CEP104: variants seen among roughly 807,000 people sequenced by gnomAD.
CEP104 encodes the protein centrosomal protein of 104 kDa.
A neutral mutation model predicts 113.3 loss-of-function variants in CEP104; 84 were observed. The observed-to-expected ratio is 0.74, with a 90% CI of 0.62 to 0.89. The LOEUF is 0.89. Ranked by LOEUF, CEP104 falls within the 40% of genes least tolerant of loss-of-function variation. CEP104 has a pLI of 0.00. For missense variants in CEP104, 1,053 were observed against 1,156.6 expected, an observed-to-expected ratio of 0.91 and a Z score of 1.30; for synonymous variants, 378 against 421.7, an observed-to-expected ratio of 0.90 and a Z score of 1.27.
At chr1:3,834,141 G>A in intron 11 of CEP104, 106 bp from the exon 12 acceptor site, 1 of 952,148 alleles carries the variant, frequency 1.1e-6, no homozygotes, top group Non-Finnish European at 1.6e-6. Context: ...TATCGAAAAT[G>A]ACATCTCGTC....
At chr1:3,839,955 T>G (rs972543742) in intron 6 of CEP104, among the ~76,000 whole-genome samples, 179 bp from the exon 7 acceptor site, 2 of 152,126 alleles carry the variant, frequency 1.3e-5, no homozygotes, top group African/African-American at 4.8e-5. Context: ...AAGCTCTTAA[T>G]TGCAAGCAGG....
intron 12 of CEP104, among the ~76,000 whole-genome samples, chr1:3,832,169 G>A (rs1046112275): frequency 5.3e-5 from 8 of 152,340 alleles, no homozygotes; most frequent in African/African-American, 1.9e-4. Flanking sequence ...CATATCTTTT[G>A]AAAGATGAAC....
intron 10 of CEP104, 116 bp from the exon 11 acceptor site, chr1:3,835,208 T>C: frequency 1.5e-6 from 1 of 685,366 alleles, no homozygotes; most frequent in South Asian, 4.3e-5. Flanking sequence ...AACAGAACTT[T>C]TATAAATGAA....
At position 3,847,472 on chromosome 1, in the gene CEP104, T is replaced by G; in HGVS notation, c.426+3A>C. The G allele has an allele frequency of 6.9e-6, 11 of 1,592,706 alleles. No individual in the cohort carries two copies. The highest frequency in any genetic ancestry group is 9.4e-6 in the Non-Finnish European group (11 of 1,170,398). On this transcript the variant is annotated splice_donor_region_variant and intron_variant, in intron 4 of 21. Transcript: ENST00000378230. ...ATCAAAGGCGAAGCTGCATGCATCT[T>G]ACCTGATTATATATGTTGTATTTGT...
intron 10 of CEP104, 48 bp downstream of exon 10, chr1:3,836,447 T>C: frequency 6.4e-7 from 1 of 1,566,880 alleles, no homozygotes; most frequent in Non-Finnish European, 8.6e-7. Flanking sequence ...CCATATAGAC[T>C]AGCCTCCCCT....
intron 12 of CEP104, among the ~76,000 whole-genome samples, chr1:3,833,056 C>G (rs955746585): frequency 3.3e-5 from 5 of 150,176 alleles, no homozygotes; most frequent in Non-Finnish European, 7.4e-5. Context: ...GTGATCTCGG[C>G]TCACTGAAAA....
At chr1:3,844,175 T>C in intron 6 of CEP104, among the ~76,000 whole-genome samples, 1 of 152,358 alleles carries the variant, frequency 6.6e-6, no homozygotes, top group East Asian at 1.9e-4. Flanking sequence ...TCCATTAATA[T>C]CTTTGATTTT....
chr1:3,856,360 C>A (rs1044324255), intron 1 of CEP104, among the ~76,000 whole-genome samples: 1 of 152,166 alleles, frequency 6.6e-6, no homozygotes, highest in Admixed American at 6.5e-5. Context: ...CCAGCCTGGG[C>A]GACAGAGCGA....
At position 3,836,684 on chromosome 1, in the gene CEP104, G is replaced by A. The variant is rs770433829; in HGVS notation, c.1128C>T (p.Ser376=). ...GAAGAGGCCGCTCATCGTAGGGCAG[G>A]GACTCTGCCTGCAGTGAGTGAAGGA... is the stretch of plus-strand genomic sequence containing the variant. ...TDPHPKINAE[S]LPYDERPLPA... Residue 376 remains serine (S), a synonymous_variant, in exon 10 of 22, where the codon TCC becomes TCT. Transcript: ENST00000378230. The A allele has an allele frequency of 1.9e-6, 3 of 1,613,234 alleles. No homozygotes were observed. The African/African-American group carries it at 4.0e-5, about 22-fold the overall frequency.
chr1:3,847,829 T>C (rs1255992338), intron 3 of CEP104: 3 of 541,322 alleles, frequency 5.5e-6, no homozygotes, highest in African/African-American at 3.9e-5. Context: ...TTAGTATTCT[T>C]CTTTTGTTGT....
chr1:3,826,565 A>G, intron 16 of CEP104, 129 bp from the exon 17 acceptor site: 1 of 1,295,066 alleles, frequency 7.7e-7, no homozygotes, highest in Non-Finnish European at 1.1e-6. Flanking sequence ...TTCAGCTGGG[A>G]GATGGCTGAG....
intron 6 of CEP104, 135 bp downstream of exon 6, chr1:3,844,772 C>A (rs1644476754): frequency 1.2e-5 from 6 of 520,400 alleles, no homozygotes; most frequent in South Asian, 2.5e-5. Flanking sequence ...AAATTTCAGA[C>A]AATCCAATCA....
intron 18 of CEP104, among the ~76,000 whole-genome samples, chr1:3,824,288 G>A (rs1315724495): frequency 6.6e-6 from 1 of 152,150 alleles, no homozygotes; most frequent in East Asian, 1.9e-4. Flanking sequence ...GTTTCTCCGT[G>A]TTGGTCAGGC....
chr1:3,812,917 A>G lies in CEP104; in HGVS notation c.*2485T>C, dbSNP rs1643819334. The G allele has an allele frequency of 6.6e-6, 1 of 152,116 alleles. No homozygotes were observed. Among genetic ancestry groups the G allele is most frequent in the African/African-American group, 2.4e-5 (1 of 41,420 alleles). 9.4% of individuals were successfully genotyped at this position (152,116 alleles called of 1,614,324 possible). A position where few individuals can be genotyped will look rare whatever the true frequency, so the allele number is the denominator to read the frequency against. On this transcript the variant is annotated 3_prime_UTR_variant, in exon 22 of 22. Coordinates refer to ENST00000378230, the MANE Select transcript of CEP104 (RefSeq NM_014704.4). ...ACCCCCTGTAACTAACAAAAGAGGA[A>G]CCTGTTTTAAATGAACCCGTTTGCT... is the stretch of plus-strand genomic sequence containing the variant.
At chr1:3,825,144 G>C (rs552426340) in intron 18 of CEP104, among the ~76,000 whole-genome samples, 2 of 105,170 alleles carry the variant, frequency 1.9e-5, no homozygotes, top group Admixed American at 8.9e-5. Context: ...CTGTGGGAAG[G>C]GGGCAGTGGC....
intron 1 of CEP104, among the ~76,000 whole-genome samples, chr1:3,856,663 C>A (rs1017863023): frequency 6.6e-6 from 1 of 152,214 alleles, no homozygotes; most frequent in Admixed American, 6.5e-5. Flanking sequence ...GCGGTCCCAG[C>A]ACCCGTGCTG....
At chr1:3,841,884 A>C (rs898535160) in intron 6 of CEP104, among the ~76,000 whole-genome samples, 4 of 152,236 alleles carry the variant, frequency 2.6e-5, no homozygotes, top group South Asian at 2.1e-4. Flanking sequence ...TTCCTGCCCT[A>C]CTGCACTTGC....
At chr1:3,829,634 T>A in intron 14 of CEP104, 157 bp downstream of exon 14, 1 of 796,240 alleles carries the variant, frequency 1.3e-6, no homozygotes, top group Non-Finnish European at 2.0e-6. Context: ...GCAGCCGGGA[T>A]CTGAATGCGG....
At position 3,856,906 on chromosome 1, in the gene CEP104, C is replaced by A. The variant is rs1473376214; in HGVS notation, c.-32G>T. ...GAAGGTACCTGCTTAGAGGGAAGGG[C>A]CCCGACTGGCGCTGCCGCGGCCCCG... On this transcript the variant is annotated 5_prime_UTR_variant, in exon 1 of 22. Transcript: ENST00000378230. 1 of 151,732 alleles carries A rather than the reference C, an allele frequency of 6.6e-6. No homozygotes were observed. Among genetic ancestry groups the A allele is most frequent in the Non-Finnish European group, 1.5e-5 (1 of 67,926 alleles). 9.4% of individuals were successfully genotyped at this position (151,732 alleles called of 1,614,324 possible).
Sources: gnomAD v4.1 joint callset for allele counts (sites outside exome capture counted in the v4.1 genomes callset) on GRCh38, gnomAD v4.1.1 for gene constraint, MANE v1.5 for transcripts, NCBI Gene and HGNC (gene_info 2026-07-23, HGNC 2026-07-21) for gene names.